The following NTM variants were observed in gnomAD, a reference collection of about 807,000 sequenced individuals.
NTM encodes IgLON family member 2.
In NTM, 13 loss-of-function variants were observed where a neutral mutation model predicts 42.1. That is an observed-to-expected ratio of 0.31 (90% confidence interval 0.20 to 0.49). NTM has a LOEUF of 0.49. NTM is among the 20% of genes least tolerant of loss of function. The pLI, the probability that NTM is intolerant of heterozygous loss-of-function variation, is 0.99. For synonymous variants in NTM, 187 were observed against 179.2 expected, an observed-to-expected ratio of 1.04 and a Z score of -0.35; for missense variants, 373 against 452.8, an observed-to-expected ratio of 0.82 and a Z score of 1.60.
chr11:132,259,857 T>C (rs965751752), intron 4 of NTM, among the ~76,000 whole-genome samples: 10 of 151,840 alleles, frequency 6.6e-5, no homozygotes, highest in Admixed American at 6.6e-4. Flanking sequence ...CAAGCAATTC[T>C]CCTGCCTCAG....
intron 1 of NTM, among the ~76,000 whole-genome samples, chr11:131,433,914 A>T (rs904919468): frequency 3.3e-5 from 5 of 152,196 alleles, no homozygotes; most frequent in Non-Finnish European, 5.9e-5. Flanking sequence ...CGTCATTTAC[A>T]TTAGGTATTT....
At chr11:131,907,224 G>A (rs918662032) in intron 1 of NTM, among the ~76,000 whole-genome samples, 1 of 152,204 alleles carries the variant, frequency 6.6e-6, no homozygotes. Context: ...AATAGTGATA[G>A]CTCTTTAGCT....
chr11:132,133,322 A>G (rs1271211183), intron 2 of NTM, among the ~76,000 whole-genome samples: 1 of 152,200 alleles, frequency 6.6e-6, no homozygotes, highest in Admixed American at 6.5e-5. Flanking sequence ...CTTCTGCATT[A>G]TAATCCTGTC....
intron 8 of NTM, among the ~76,000 whole-genome samples, chr11:132,332,939 C>T (rs1322342440): frequency 1.3e-5 from 2 of 152,096 alleles, no homozygotes; most frequent in Non-Finnish European, 2.9e-5. Context: ...TTCTTAGTCA[C>T]AGGGAGGGAG....
At chr11:131,520,779 C>T (rs370452301) in intron 1 of NTM, among the ~76,000 whole-genome samples, 13 of 152,146 alleles carry the variant, frequency 8.5e-5, no homozygotes, top group African/African-American at 2.9e-4. Context: ...CCAAAACCTA[C>T]CTACTCAGCA....
intron 1 of NTM, among the ~76,000 whole-genome samples, chr11:131,652,654 G>T (rs189783474): frequency 6.6e-6 from 1 of 152,340 alleles, no homozygotes; most frequent in East Asian, 1.9e-4. Flanking sequence ...GGAGTGGGCA[G>T]GGGGATTTGT....
At chr11:131,824,997 C>A (rs2041962594) in intron 1 of NTM, among the ~76,000 whole-genome samples, 1 of 152,178 alleles carries the variant, frequency 6.6e-6, no homozygotes. Flanking sequence ...TGGACTACAA[C>A]AACAGAAATT....
intron 1 of NTM, among the ~76,000 whole-genome samples, chr11:131,385,773 C>G (rs537036284): frequency 6.6e-6 from 1 of 152,240 alleles, no homozygotes; most frequent in Admixed American, 6.5e-5. Flanking sequence ...GAGAAGATTG[C>G]CTTGAACCCA....
At chr11:131,986,138 A>G (rs76934714) in intron 2 of NTM, among the ~76,000 whole-genome samples, 3,102 of 152,310 alleles carry the variant, frequency 0.02, 108 homozygotes, top group African/African-American at 0.071. Flanking sequence ...AACCTAGACT[A>G]TCTTTCAAAG....
At chr11:131,925,381 C>CT (rs2057802091) in intron 2 of NTM, among the ~76,000 whole-genome samples, 3 of 127,792 alleles carry the variant, frequency 2.3e-5, no homozygotes, top group African/African-American at 3.0e-5. Flanking sequence ...TCTTTCTTTT[C>CT]TCTTTTTTTT....
Position 132,040,402 on chromosome 11 carries a change from A to T in NTM, c.168-105880A>T, listed in dbSNP as rs148053339. Among the ~76,000 whole-genome samples the T allele has an allele frequency of 2.2e-3, 339 of 152,378 alleles. 2 individuals carry two copies. The highest frequency in any genetic ancestry group is 7.7e-3 in the African/African-American group (319 of 41,592). The stretch of plus-strand genomic sequence containing the variant: ...TGAAGGATTCTAAGACACCATTGAA[A>T]GCTGCATGCACCAAGAAATGGGGCA... On this transcript the variant is annotated intron_variant, in intron 2 of 8. Coordinates refer to ENST00000683400, the MANE Select transcript of NTM (RefSeq NM_001352005.2).
rs1462848282 is a variant in NTM at position 132,164,073 on chromosome 11, G to A, written c.400+17559G>A. Reference sequence around the variant, plus strand: ...AGATCTCCCATCTCTCTTCCAGGGCGCTTTCTCTTGCCCCTTGATGAAAGA... The same window carrying A: ...AGATCTCCCATCTCTCTTCCAGGGCACTTTCTCTTGCCCCTTGATGAAAGA... On this transcript the variant is annotated intron_variant, in intron 3 of 8. Transcript: ENST00000683400. 3.9e-5 allele frequency among the ~76,000 whole-genome samples: 6 copies of A among 152,294 alleles called. No individual in the cohort carries two copies. The South Asian group carries it at 6.2e-4, about 16-fold the overall frequency.
At chr11:131,420,405 C>A (rs1477628343) in intron 1 of NTM, among the ~76,000 whole-genome samples, 3 of 152,188 alleles carry the variant, frequency 2.0e-5, no homozygotes, top group South Asian at 2.1e-4. Flanking sequence ...AGCTCCGCAG[C>A]ACCTTGACCT....
intron 2 of NTM, chr11:131,981,523 A>T (rs1364098295): frequency 6.6e-6 from 1 of 152,190 alleles, no homozygotes; most frequent in Non-Finnish European, 1.5e-5. Context: ...AAGCACTTTT[A>T]TGGAAACGTT....
intron 2 of NTM, among the ~76,000 whole-genome samples, chr11:132,100,282 T>C (rs2061476518): frequency 6.6e-6 from 1 of 152,176 alleles, no homozygotes; most frequent in South Asian, 2.1e-4. Flanking sequence ...CTTTGTGTGG[T>C]ATTGATCAGC....
intron 7 of NTM, 170 bp from the exon 8 acceptor site, chr11:132,329,983 G>T (rs914704224): frequency 1.3e-5 from 8 of 627,996 alleles, no homozygotes; most frequent in Admixed American, 6.3e-5. Flanking sequence ...CCAGAGGGGG[G>T]TCACATAGGA....
chr11:131,703,785 G>A (rs2076302872), intron 1 of NTM, among the ~76,000 whole-genome samples: 1 of 152,220 alleles, frequency 6.6e-6, no homozygotes, highest in African/African-American at 2.4e-5. Context: ...AGATAGCCTT[G>A]CATGAGGGGA....
chr11:131,920,939 A>G (rs1051293531), intron 2 of NTM, among the ~76,000 whole-genome samples: 11 of 152,198 alleles, frequency 7.2e-5, no homozygotes, highest in Non-Finnish European at 1.5e-4. Flanking sequence ...GATGAGTGAA[A>G]AAAATGCTCT....
chr11:131,681,291 G>A (rs1197110822), intron 1 of NTM, among the ~76,000 whole-genome samples: 24 of 51,758 alleles, frequency 4.6e-4, no homozygotes, highest in African/African-American at 1.2e-3. Context: ...GTGTGTGAGC[G>A]TGTGTGTTTC....
Sources: gnomAD v4.1 joint callset for allele counts (sites outside exome capture counted in the v4.1 genomes callset) on GRCh38, gnomAD v4.1.1 for gene constraint, MANE v1.5 for transcripts, NCBI Gene and HGNC (gene_info 2026-07-23, HGNC 2026-07-21) for gene names.